RYR2: variants seen among roughly 807,000 people sequenced by gnomAD.
RYR2 encodes cardiac muscle ryanodine receptor-calcium release channel.
In RYR2, 227 loss-of-function variants were observed where a neutral mutation model predicts 601.1. The ratio of observed to expected loss-of-function variants is 0.38; its 90% CI spans 0.34 to 0.42. The LOEUF is 0.42. Among genes scored for constraint, RYR2 ranks in the 10% least tolerant of loss-of-function variants. The pLI, the probability that RYR2 is intolerant of heterozygous loss-of-function variation, is 1.00. For missense variants in RYR2, 4,646 were observed against 6,156.5 expected (o/e 0.75, Z 8.21); for synonymous variants, 2,223 against 2,175.1 (o/e 1.02, Z -0.61).
chr1:237,191,690 A>G (rs1016415793), intron 1 of RYR2, among the ~76,000 whole-genome samples: 1 of 152,232 alleles, frequency 6.6e-6, no homozygotes, highest in Admixed American at 6.5e-5. Flanking sequence ...TGATGAAAAG[A>G]ATATTTTAAC....
intron 1 of RYR2, among the ~76,000 whole-genome samples, chr1:237,239,632 T>G (rs1458081974): frequency 6.6e-6 from 1 of 152,226 alleles, no homozygotes; most frequent in Non-Finnish European, 1.5e-5. Context: ...TATCTATGTT[T>G]GCAGCTTGAT....
intron 56 of RYR2, among the ~76,000 whole-genome samples, chr1:237,664,093 C>A (rs931190375): frequency 1.3e-5 from 2 of 152,196 alleles, no homozygotes; most frequent in Non-Finnish European, 2.9e-5. Context: ...ATTCCAATTT[C>A]TTACCTTGTA....
chr1:237,620,695 G>A (rs1678980280), intron 38 of RYR2, among the ~76,000 whole-genome samples: 1 of 151,802 alleles, frequency 6.6e-6, no homozygotes, highest in Non-Finnish European at 1.5e-5. Flanking sequence ...AAATTACCAA[G>A]GAGATAAGGA....
At chr1:237,045,716 A>G (rs1279191458) in intron 1 of RYR2, among the ~76,000 whole-genome samples, 1 of 151,370 alleles carries the variant, frequency 6.6e-6, no homozygotes, top group African/African-American at 2.4e-5. Flanking sequence ...TAACTTACCA[A>G]TGTAGCATCA....
At position 237,654,326 on chromosome 1, in the gene RYR2, G is replaced by A; in HGVS notation, c.7877G>A (p.Gly2626Glu). 2 of 1,613,938 alleles carry A rather than the reference G, an allele frequency of 1.2e-6. No homozygotes were observed. Among genetic ancestry groups the A allele is most frequent in the South Asian group, 1.1e-5 (1 of 91,078 alleles). Residue 2626 changes from glycine (G) to glutamate (E), a missense_variant, in exon 52 of 105, where the codon GGG (glycine) becomes GAG (glutamate). By Grantham distance (98) the Gly-to-Glu change is moderately conservative. Coordinates refer to ENST00000366574, the MANE Select transcript of RYR2 (RefSeq NM_001035.3). ...TGGAAATATTACTGCCTGCCTGGAG[G>A]GTGGGGAAACTTTGGTGCTGCCTCA... is the stretch of plus-strand genomic sequence containing the variant. Reference protein sequence around the residue: ...RCWKYYCLPGGWGNFGAASEE... With the variant: ...RCWKYYCLPGEWGNFGAASEE...
chr1:237,046,659 T>C (rs1268988095), intron 1 of RYR2, among the ~76,000 whole-genome samples: 1 of 152,222 alleles, frequency 6.6e-6, no homozygotes, highest in Non-Finnish European at 1.5e-5. Flanking sequence ...TTATTTGACA[T>C]TCAATTGTAT....
intron 1 of RYR2, among the ~76,000 whole-genome samples, chr1:237,208,952 A>ATGTG (rs1682154126): frequency 6.1e-5 from 4 of 66,050 alleles, no homozygotes; most frequent in Non-Finnish European, 1.4e-4. Context: ...ATATATATAT[A>ATGTG]TATATATATA....
intron 48 of RYR2, among the ~76,000 whole-genome samples, chr1:237,647,192 A>G (rs1392948604): frequency 6.6e-6 from 1 of 152,222 alleles, no homozygotes; most frequent in Non-Finnish European, 1.5e-5. Flanking sequence ...CTTTGGCTGG[A>G]TTTTAAATCC....
At chr1:237,576,364 A>G (rs1196168089) in intron 29 of RYR2, among the ~76,000 whole-genome samples, 1 of 152,206 alleles carries the variant, frequency 6.6e-6, no homozygotes, top group African/African-American at 2.4e-5. Flanking sequence ...TTGTGAAGCT[A>G]TAGTCATTAA....
chr1:237,342,300 G>T (rs1195102509), intron 3 of RYR2, among the ~76,000 whole-genome samples: 2 of 150,206 alleles, frequency 1.3e-5, no homozygotes, highest in African/African-American at 4.9e-5. Flanking sequence ...AAGCCACCAT[G>T]CCTGGCTAAT....
intron 1 of RYR2, among the ~76,000 whole-genome samples, chr1:237,204,845 A>T (rs1681618734): frequency 6.6e-6 from 1 of 152,172 alleles, no homozygotes; most frequent in African/African-American, 2.4e-5. Context: ...AGCTGTAGGG[A>T]TGTGGTGATG....
At chr1:237,558,697 T>C (rs573181826) in intron 27 of RYR2, among the ~76,000 whole-genome samples, 9 of 152,310 alleles carry the variant, frequency 5.9e-5, no homozygotes, top group Admixed American at 2.0e-4. Context: ...TTCTTTCTTC[T>C]CTTTTCTGTC....
intron 13 of RYR2, among the ~76,000 whole-genome samples, chr1:237,441,889 C>CA (rs1553453610): frequency 1.7e-4 from 26 of 151,500 alleles, no homozygotes; most frequent in African/African-American, 6.1e-4. Context: ...AAGGAGGGGG[C>CA]GGGGTCAGAA....
intron 8 of RYR2, among the ~76,000 whole-genome samples, chr1:237,384,823 G>A (rs545771755): frequency 6.6e-5 from 10 of 152,132 alleles, no homozygotes; most frequent in South Asian, 4.2e-4. Flanking sequence ...CCTGTAGCAC[G>A]TTGATTATGA....
intron 2 of RYR2, among the ~76,000 whole-genome samples, chr1:237,273,552 G>A (rs1262168107): frequency 1.8e-5 from 2 of 109,984 alleles, no homozygotes; most frequent in African/African-American, 5.0e-5. Flanking sequence ...GATGGTTTTA[G>A]GGGAGAGTGT....
intron 14 of RYR2, among the ~76,000 whole-genome samples, chr1:237,451,274 C>T (rs558791770): frequency 1.3e-5 from 2 of 152,120 alleles, no homozygotes; most frequent in East Asian, 3.9e-4. Flanking sequence ...ATAAGACTTA[C>T]AAAGTAGCAA....
At chr1:237,618,680 A>C (rs507797) in intron 38 of RYR2, among the ~76,000 whole-genome samples, 151,241 of 152,228 alleles carry the variant, frequency 0.99, 75,140 homozygotes, top group East Asian at 1. Flanking sequence ...TGCACTACTG[A>C]AGCCAAAAAC....
chr1:237,665,438 T>A (rs1684236671), intron 56 of RYR2, among the ~76,000 whole-genome samples: 1 of 150,802 alleles, frequency 6.6e-6, no homozygotes, highest in East Asian at 1.9e-4. Flanking sequence ...TCAGACAAAT[T>A]AAATTTAACA....
chr1:237,251,603 C>T (rs1021608380), intron 1 of RYR2, among the ~76,000 whole-genome samples: 5 of 152,136 alleles, frequency 3.3e-5, no homozygotes, highest in African/African-American at 9.7e-5. Flanking sequence ...ACTTTTAGAT[C>T]GTCCTGTCTT....
Sources: gnomAD v4.1 joint callset for allele counts (sites outside exome capture counted in the v4.1 genomes callset) on GRCh38, gnomAD v4.1.1 for gene constraint, MANE v1.5 for transcripts, NCBI Gene and HGNC (gene_info 2026-07-23, HGNC 2026-07-21) for gene names.